Variants in RAB10 observed in about 807,000 individuals in gnomAD.
RAB10 encodes ras-related protein Rab-10.
A neutral mutation model predicts 25.7 loss-of-function variants in RAB10; 5 were observed. That is an observed-to-expected ratio of 0.19 (90% CI 0.10 to 0.41). The LOEUF (loss-of-function observed/expected upper bound fraction) is 0.41. RAB10 is among the 10% of genes least tolerant of loss of function. The probability of loss-of-function intolerance (pLI) is 1.00; values close to 1 mark genes in which losing one functional copy is unlikely to be tolerated. For missense variants in RAB10, 103 were observed against 245.8 expected (o/e 0.42, Z 3.89); for synonymous variants, 89 against 86.4 (o/e 1.03, Z -0.16).
At chr2:26,110,014 C>A in intron 3 of RAB10, 108 bp downstream of exon 3, 1 of 1,186,862 alleles carries the variant, frequency 8.4e-7, no homozygotes, top group Non-Finnish European at 1.1e-6. Flanking sequence ...CTGTTGAAGT[C>A]ATTATTATTG....
chr2:26,082,014 A>G (rs1309538877), intron 1 of RAB10, among the ~76,000 whole-genome samples: 3 of 152,216 alleles, frequency 2.0e-5, no homozygotes, highest in Admixed American at 1.3e-4. Flanking sequence ...AATGAAGATG[A>G]CAGGAAATGG....
chr2:26,057,469 G>A (rs1666293930), intron 1 of RAB10, among the ~76,000 whole-genome samples: 1 of 151,696 alleles, frequency 6.6e-6, no homozygotes, highest in Non-Finnish European at 1.5e-5. Context: ...AAAACTATAA[G>A]GAATATTAAC....
chr2:26,131,111 TA>T lies in RAB10; in HGVS notation c.519+3161del, dbSNP rs376880468. Among the ~76,000 whole-genome samples, 13 of 152,062 alleles carry T rather than the reference TA, an allele frequency of 8.5e-5. No homozygotes were observed. The South Asian group carries it at 2.5e-3, about 29-fold the overall frequency. On this transcript the variant is annotated intron_variant, in intron 5 of 5. Transcript: ENST00000264710. ...CCCAGTGAGATAGAGCTTTCCTTATTATCATTATTAAAGGTTAAAGTATGAG... is the reference window on the plus strand; with the variant it reads ...CCCAGTGAGATAGAGCTTTCCTTATTTCATTATTAAAGGTTAAAGTATGAG...
chr2:26,058,754 C>A (rs1045016772), intron 1 of RAB10, among the ~76,000 whole-genome samples: 1 of 152,216 alleles, frequency 6.6e-6, no homozygotes, highest in African/African-American at 2.4e-5. Flanking sequence ...CATATTCTCT[C>A]ATTTCTTCCA....
chr2:26,110,338 CAA>C (rs11403502), intron 3 of RAB10, among the ~76,000 whole-genome samples: 16 of 123,656 alleles, frequency 1.3e-4, no homozygotes, highest in South Asian at 2.7e-4. Flanking sequence ...ACTCCGTCTC[CAA>C]AAAAAAAAAA....
chr2:26,053,381 TG>T (rs1010237000), intron 1 of RAB10, among the ~76,000 whole-genome samples: 1 of 152,182 alleles, frequency 6.6e-6, no homozygotes, highest in African/African-American at 2.4e-5. Flanking sequence ...CTGATTTACT[TG>T]GGGGGAAATG....
chr2:26,057,584 T>C (rs1332090044), intron 1 of RAB10, among the ~76,000 whole-genome samples: 2 of 79,000 alleles, frequency 2.5e-5, no homozygotes, highest in Non-Finnish European at 5.4e-5. Flanking sequence ...TTAGTTAAAA[T>C]TTGTTTTGTC....
intron 1 of RAB10, among the ~76,000 whole-genome samples, chr2:26,065,180 G>C (rs781041522): frequency 6.6e-6 from 1 of 151,954 alleles, no homozygotes; most frequent in Non-Finnish European, 1.5e-5. Flanking sequence ...TGACCAAACA[G>C]CAGTGCTTGT....
intron 1 of RAB10, among the ~76,000 whole-genome samples, chr2:26,049,186 CTTT>C (rs1314869793): frequency 4.8e-5 from 6 of 125,412 alleles, no homozygotes; most frequent in Non-Finnish European, 5.2e-5. Context: ...TGGAGGTCGA[CTTT>C]TTTTTTTTTT....
intron 1 of RAB10, among the ~76,000 whole-genome samples, chr2:26,059,112 G>A (rs1482605254): frequency 6.6e-6 from 1 of 152,098 alleles, no homozygotes; most frequent in Non-Finnish European, 1.5e-5. Flanking sequence ...ACAGTTCCTT[G>A]TATATAGTAG....
chr2:26,085,488 CA>C (rs530578914), intron 1 of RAB10, among the ~76,000 whole-genome samples: 2,518 of 81,668 alleles, frequency 0.031, 15 homozygotes, highest in Non-Finnish European at 0.04. Flanking sequence ...GACTGTGTCT[CA>C]AAAAAAAAAA....
intron 5 of RAB10, among the ~76,000 whole-genome samples, chr2:26,129,190 A>T (rs1485417549): frequency 6.6e-6 from 1 of 151,252 alleles, no homozygotes; most frequent in African/African-American, 2.4e-5. Flanking sequence ...GAATCCCTTG[A>T]ACCAGGGAGT....
intron 1 of RAB10, among the ~76,000 whole-genome samples, chr2:26,062,746 C>T (rs1666431658): frequency 1.3e-5 from 2 of 151,966 alleles, no homozygotes; most frequent in African/African-American, 4.8e-5. Context: ...TAAACAACAA[C>T]AAAAAGTTTA....
chr2:26,115,736 A>G (rs938486311), intron 3 of RAB10, among the ~76,000 whole-genome samples: 1 of 152,216 alleles, frequency 6.6e-6, no homozygotes, highest in African/African-American at 2.4e-5. Context: ...TATGATATGT[A>G]AATTATAAAC....
At chr2:26,067,307 T>C (rs1425190266) in intron 1 of RAB10, among the ~76,000 whole-genome samples, 5 of 152,222 alleles carry the variant, frequency 3.3e-5, no homozygotes, top group Admixed American at 1.3e-4. Flanking sequence ...AAGGGCTTAT[T>C]TAAAAATACA....
At chr2:26,112,917 T>C (rs1416501631) in intron 3 of RAB10, among the ~76,000 whole-genome samples, 1 of 151,536 alleles carries the variant, frequency 6.6e-6, no homozygotes, top group African/African-American at 2.4e-5. Context: ...CCTGTCTCTA[T>C]GAAAAACACA....
Position 26,068,500 on chromosome 2 carries a change from G to A in RAB10, c.128-30162G>A, listed in dbSNP as rs187958276. On this transcript the variant is annotated intron_variant, in intron 1 of 5. Coordinates refer to ENST00000264710, the MANE Select transcript of RAB10 (RefSeq NM_016131.5). ...ACTATTTAATCTTTAAGGATTATGA[G>A]CGATTATATGTGAAAATACCTGTCA... is the stretch of plus-strand genomic sequence containing the variant. Among the ~76,000 whole-genome samples, 10 of 152,262 alleles carry A rather than the reference G, an allele frequency of 6.6e-5. No homozygotes were observed. In the East Asian group the frequency reaches 1.9e-3, roughly 29 times the overall value.
chr2:26,112,893 C>T lies in RAB10; in HGVS notation c.327+2987C>T, dbSNP rs545294084. ...GTCAGGAGTTTGAAACCAGTCTGGT[C>T]GACATGGTGAAACCCTGTCTCTATG... On this transcript the variant is annotated intron_variant, in intron 3 of 5. Coordinates refer to ENST00000264710, the MANE Select transcript of RAB10 (RefSeq NM_016131.5). 9.9e-5 allele frequency among the ~76,000 whole-genome samples: 15 copies of T among 152,062 alleles called. No individual in the cohort carries two copies. The South Asian group carries it at 2.5e-3, about 25-fold the overall frequency.
chr2:26,111,013 A>C (rs574382689), intron 3 of RAB10, among the ~76,000 whole-genome samples: 6 of 152,234 alleles, frequency 3.9e-5, no homozygotes, highest in South Asian at 4.2e-4. Flanking sequence ...GCCTGATGTT[A>C]CTTTTTATAA....
Sources: allele counts gnomAD v4.1 joint callset (sites outside exome capture counted in the v4.1 genomes callset), GRCh38; gene constraint gnomAD v4.1.1; transcripts MANE v1.5; gene names NCBI Gene and HGNC (gene_info 2026-07-23, HGNC 2026-07-21).